The following EBF1 variants were observed in gnomAD, a reference collection of about 807,000 sequenced individuals.
The protein encoded by EBF1 is transcription factor COE1.
In EBF1, 10 loss-of-function variants were observed where a neutral mutation model predicts 68.4. That is an observed-to-expected ratio of 0.15 (90% confidence interval 0.09 to 0.25). EBF1 has a LOEUF of 0.25. EBF1 is among the 10% of genes least tolerant of loss of function. EBF1 has a pLI of 1.00. For missense variants in EBF1, 509 were observed against 794.4 expected, an observed-to-expected ratio of 0.64 and a Z score of 4.32; for synonymous variants, 298 against 299.8, an observed-to-expected ratio of 0.99 and a Z score of 0.06.
intron 6 of EBF1, among the ~76,000 whole-genome samples, chr5:159,065,327 G>T (rs1031238253): frequency 1.3e-5 from 2 of 152,172 alleles, no homozygotes; most frequent in South Asian, 4.1e-4. Flanking sequence ...GCATGCACCA[G>T]CAGAGTCTAA....
chr5:158,980,829 T>C lies in EBF1; in HGVS notation c.554+92567A>G, dbSNP rs527734624. ...ACACTTAAATAAAACTCTGAAAAACTGGAGTATGACATGCCTTCTCATTTT... is the reference window on the plus strand; with the variant it reads ...ACACTTAAATAAAACTCTGAAAAACCGGAGTATGACATGCCTTCTCATTTT... On this transcript the variant is annotated intron_variant, in intron 6 of 15. Transcript: ENST00000313708. Among the ~76,000 whole-genome samples the C allele has an allele frequency of 1.3e-4, 20 of 152,330 alleles. 1 individual carries two copies. In the East Asian group the frequency reaches 3.3e-3, roughly 25 times the overall value.
intron 6 of EBF1, among the ~76,000 whole-genome samples, chr5:158,997,451 G>A (rs1461462696): frequency 6.6e-6 from 1 of 152,128 alleles, no homozygotes; most frequent in Non-Finnish European, 1.5e-5. Context: ...ACATAGAGTT[G>A]TTTATCCTCC....
chr5:158,987,629 C>T (rs1312644520), intron 6 of EBF1, among the ~76,000 whole-genome samples: 3 of 152,026 alleles, frequency 2.0e-5, no homozygotes, highest in Non-Finnish European at 4.4e-5. Flanking sequence ...TTAGACACTC[C>T]AAGGAGGAAG....
chr5:158,873,382 A>G (rs2128067167), intron 6 of EBF1, among the ~76,000 whole-genome samples: 1 of 152,316 alleles, frequency 6.6e-6, no homozygotes, highest in South Asian at 2.1e-4. Flanking sequence ...GTGATTCGCC[A>G]CATTTTGGCA....
At chr5:158,982,585 T>A (rs1758107589) in intron 6 of EBF1, among the ~76,000 whole-genome samples, 1 of 152,196 alleles carries the variant, frequency 6.6e-6, no homozygotes, top group African/African-American at 2.4e-5. Flanking sequence ...ATAGATGAAT[T>A]AATAACAAAA....
chr5:158,734,958 A>T (rs1764867574), intron 10 of EBF1, among the ~76,000 whole-genome samples: 1 of 152,146 alleles, frequency 6.6e-6, no homozygotes. Context: ...CCCAAATAGA[A>T]AAGCCTCAAT....
At chr5:158,849,325 C>T (rs1381540898) in intron 6 of EBF1, among the ~76,000 whole-genome samples, 2 of 152,210 alleles carry the variant, frequency 1.3e-5, no homozygotes, top group African/African-American at 4.8e-5. Flanking sequence ...AAGCTACATC[C>T]TGTGCCCTGA....
chr5:158,856,825 C>A (rs1393337161), intron 6 of EBF1, among the ~76,000 whole-genome samples: 2 of 152,156 alleles, frequency 1.3e-5, no homozygotes, highest in Non-Finnish European at 2.9e-5. Flanking sequence ...ACAGCTTGTG[C>A]TCATAAGAAC....
chr5:158,705,161 A>C (rs991922377), intron 15 of EBF1, among the ~76,000 whole-genome samples: 1 of 152,078 alleles, frequency 6.6e-6, no homozygotes, highest in Non-Finnish European at 1.5e-5. Flanking sequence ...TTGTATTTTT[A>C]GTAGAGACGA....
intron 6 of EBF1, among the ~76,000 whole-genome samples, chr5:159,019,413 C>T (rs535337187): frequency 6.6e-6 from 1 of 152,228 alleles, no homozygotes; most frequent in South Asian, 2.1e-4. Context: ...ACCTGCATAA[C>T]AGTACTGCAA....
At chr5:158,843,692 A>G (rs1790803212) in intron 6 of EBF1, among the ~76,000 whole-genome samples, 1 of 152,226 alleles carries the variant, frequency 6.6e-6, no homozygotes, top group Non-Finnish European at 1.5e-5. Context: ...GCCCTACCCC[A>G]GAGGGAGCCT....
chr5:159,007,710 A>G (rs1763837140), intron 6 of EBF1, among the ~76,000 whole-genome samples: 1 of 152,188 alleles, frequency 6.6e-6, no homozygotes, highest in South Asian at 2.1e-4. Context: ...TCAATTCCTG[A>G]AAGAAGCATT....
At chr5:158,928,510 A>G (rs929167884) in intron 6 of EBF1, among the ~76,000 whole-genome samples, 3 of 152,214 alleles carry the variant, frequency 2.0e-5, no homozygotes, top group Admixed American at 6.5e-5. Context: ...AAATCACATT[A>G]ATTGAGCTAT....
chr5:158,980,283 T>C (rs879472064), intron 6 of EBF1, among the ~76,000 whole-genome samples: 3 of 152,236 alleles, frequency 2.0e-5, no homozygotes, highest in Admixed American at 2.0e-4. Flanking sequence ...TTGGAGAGAC[T>C]TCTCCAGCTT....
intron 10 of EBF1, among the ~76,000 whole-genome samples, chr5:158,765,224 A>AT (rs1466311846): frequency 6.6e-6 from 1 of 152,066 alleles, no homozygotes. Flanking sequence ...CAAATGTTTC[A>AT]TTTTTCTAGT....
intron 6 of EBF1, among the ~76,000 whole-genome samples, chr5:159,047,424 C>A (rs1424232331): frequency 3.3e-5 from 5 of 152,094 alleles, no homozygotes; most frequent in Non-Finnish European, 7.4e-5. Context: ...CAAAAGATTG[C>A]AGAGACACCA....
chr5:158,707,943 T>C (rs370488158), intron 15 of EBF1, 36 bp downstream of exon 15: 306 of 1,540,548 alleles, frequency 2.0e-4, no homozygotes, highest in Non-Finnish European at 2.5e-4. Context: ...AGTCAGGGCA[T>C]TGAATCTGGA....
intron 6 of EBF1, among the ~76,000 whole-genome samples, chr5:158,863,370 G>C (rs1416579625): frequency 6.6e-6 from 1 of 152,190 alleles, no homozygotes; most frequent in Non-Finnish European, 1.5e-5. Context: ...AACCACATCT[G>C]TCACATTGCT....
chr5:158,925,246 CA>C (rs1371711138), intron 6 of EBF1, among the ~76,000 whole-genome samples: 1 of 152,202 alleles, frequency 6.6e-6, no homozygotes, highest in Non-Finnish European at 1.5e-5. Context: ...TTATTTTCCT[CA>C]CAGCACATAT....
Sources: gnomAD v4.1 joint callset for allele counts (sites outside exome capture counted in the v4.1 genomes callset) on GRCh38, gnomAD v4.1.1 for gene constraint, MANE v1.5 for transcripts, NCBI Gene and HGNC (gene_info 2026-07-23, HGNC 2026-07-21) for gene names.